The following UNC5D variants were observed in gnomAD, a reference collection of about 807,000 sequenced individuals.
UNC5D encodes the protein unc-5 netrin receptor D.
In UNC5D, 39 loss-of-function variants were observed where a neutral mutation model predicts 105.4. That is an observed-to-expected ratio of 0.37 (90% CI 0.29 to 0.48). UNC5D has a LOEUF of 0.48. Among genes scored for constraint, UNC5D ranks in the 20% least tolerant of loss-of-function variants. The pLI is 0.98. For synonymous variants in UNC5D, 452 were observed against 450.4 expected, an observed-to-expected ratio of 1.00 and a Z score of -0.04; for missense variants, 991 against 1,202.4, an observed-to-expected ratio of 0.82 and a Z score of 2.60.
In UNC5D at chr8:35,460,567, C is replaced by A. The variant is rs557229088; in HGVS notation, c.104-88725C>A. Among the ~76,000 whole-genome samples the A allele has an allele frequency of 6.6e-5, 10 of 152,302 alleles. No individual in the cohort carries two copies. The East Asian group carries it at 1.2e-3, about 18-fold the overall frequency. On this transcript the variant is annotated intron_variant, in intron 1 of 16. Transcript: ENST00000404895. ...GAAATGCAATAGCTACAGTGCTAAA[C>A]CACAATGCCAATTAATTTTTATTCA...
chr8:35,502,608 G>C (rs1272411149), intron 1 of UNC5D, among the ~76,000 whole-genome samples: 3 of 152,104 alleles, frequency 2.0e-5, no homozygotes, highest in African/African-American at 7.2e-5. Context: ...GCCCAGGCTA[G>C]AGTGCAGTGG....
chr8:35,301,110 T>C (rs1344909631), intron 1 of UNC5D, among the ~76,000 whole-genome samples: 1 of 152,112 alleles, frequency 6.6e-6, no homozygotes, highest in African/African-American at 2.4e-5. Flanking sequence ...AAAGAAATTA[T>C]CTCCTTCAAG....
intron 3 of UNC5D, among the ~76,000 whole-genome samples, chr8:35,572,895 C>A (rs1422456517): frequency 1.3e-5 from 2 of 151,714 alleles, no homozygotes; most frequent in Non-Finnish European, 2.9e-5. Context: ...GCTCCGCCTC[C>A]AGGGTTCACG....
intron 4 of UNC5D, among the ~76,000 whole-genome samples, chr8:35,682,224 A>G (rs1159520698): frequency 3.3e-5 from 5 of 152,168 alleles, no homozygotes; most frequent in Non-Finnish European, 7.4e-5. Context: ...CGGCCTCTCA[A>G]CGTGCTGGGA....
intron 4 of UNC5D, among the ~76,000 whole-genome samples, chr8:35,638,407 A>G (rs977071324): frequency 2.2e-4 from 33 of 152,258 alleles, no homozygotes; most frequent in African/African-American, 7.7e-4. Flanking sequence ...AAAGACAACT[A>G]GAAGAGGGGA....
chr8:35,599,503 AT>A (rs1242556876), intron 4 of UNC5D, among the ~76,000 whole-genome samples: 2 of 152,230 alleles, frequency 1.3e-5, no homozygotes, highest in Admixed American at 1.3e-4. Flanking sequence ...AGCTTAAAAA[AT>A]AAATTTAAAA....
chr8:35,419,956 C>T (rs1396612135), intron 1 of UNC5D, among the ~76,000 whole-genome samples: 1 of 152,038 alleles, frequency 6.6e-6, no homozygotes, highest in Non-Finnish European at 1.5e-5. Context: ...AGCAGATAGC[C>T]CCAGATGTGG....
At chr8:35,769,436 C>T (rs1801912768) in intron 15 of UNC5D, among the ~76,000 whole-genome samples, 1 of 152,180 alleles carries the variant, frequency 6.6e-6, no homozygotes, top group South Asian at 2.1e-4. Context: ...GAAATTTTGT[C>T]TTCCAGTACC....
At chr8:35,600,449 T>C (rs1819787890) in intron 4 of UNC5D, among the ~76,000 whole-genome samples, 1 of 152,190 alleles carries the variant, frequency 6.6e-6, no homozygotes, top group African/African-American at 2.4e-5. Flanking sequence ...TTTCTCCACA[T>C]CCTCTCCAGC....
Position 35,512,567 on chromosome 8 carries a change from A to C in UNC5D, c.104-36725A>C, listed in dbSNP as rs930057370. On this transcript the variant is annotated intron_variant, in intron 1 of 16. Transcript: ENST00000404895. Reference sequence around the variant, plus strand: ...TATATATATATATATATATATATATATATCTGAATAGATTACTAAATGGAG... The same window carrying C: ...TATATATATATATATATATATATATCTATCTGAATAGATTACTAAATGGAG... Among the ~76,000 whole-genome samples the C allele has an allele frequency of 1.8e-3, 167 of 93,168 alleles. 10 individuals are homozygous for C. The highest frequency in any genetic ancestry group is 5.2e-3 in the Middle Eastern group (1 of 192). 61.1% of individuals were successfully genotyped at this position (93,168 alleles called of 152,430 possible). A position where few individuals can be genotyped will look rare whatever the true frequency, so the allele number is the denominator to read the frequency against.
At chr8:35,562,238 A>G (rs1817017803) in intron 2 of UNC5D, among the ~76,000 whole-genome samples, 1 of 152,190 alleles carries the variant, frequency 6.6e-6, no homozygotes. Flanking sequence ...TTCATGATAT[A>G]TACCGCATTT....
chr8:35,671,485 G>A (rs1449740627), intron 4 of UNC5D, among the ~76,000 whole-genome samples: 1 of 152,156 alleles, frequency 6.6e-6, no homozygotes, highest in Non-Finnish European at 1.5e-5. Flanking sequence ...TCTGCATAAA[G>A]AACTTTTGTT....
chr8:35,367,261 G>C (rs1213373557), intron 1 of UNC5D, among the ~76,000 whole-genome samples: 1 of 152,164 alleles, frequency 6.6e-6, no homozygotes, highest in East Asian at 1.9e-4. Flanking sequence ...TATTGAAAGA[G>C]TGATATGTAA....
intron 4 of UNC5D, among the ~76,000 whole-genome samples, chr8:35,669,774 T>C (rs1824658455): frequency 6.6e-6 from 1 of 152,094 alleles, no homozygotes. Context: ...AATATTTTAA[T>C]GTCAAACAGG....
At chr8:35,700,431 A>G (rs1206564716) in intron 7 of UNC5D, among the ~76,000 whole-genome samples, 1 of 152,192 alleles carries the variant, frequency 6.6e-6, no homozygotes, top group Admixed American at 6.5e-5. Context: ...AAATATATCA[A>G]ATGAACATTT....
intron 1 of UNC5D, among the ~76,000 whole-genome samples, chr8:35,313,439 G>T (rs1809048213): frequency 6.6e-6 from 1 of 152,128 alleles, no homozygotes; most frequent in African/African-American, 2.4e-5. Context: ...CCAGGTGAGA[G>T]AAAATGACTA....
chr8:35,450,978 A>T (rs1391324122), intron 1 of UNC5D, among the ~76,000 whole-genome samples: 1 of 151,606 alleles, frequency 6.6e-6, no homozygotes, highest in Non-Finnish European at 1.5e-5. Flanking sequence ...GATATTTTTG[A>T]TTTAGGATGA....
chr8:35,704,863 T>C (rs1301708051), intron 7 of UNC5D, among the ~76,000 whole-genome samples: 1 of 151,614 alleles, frequency 6.6e-6, no homozygotes, highest in Non-Finnish European at 1.5e-5. Context: ...ATTATTTTAA[T>C]GATGGGAGAT....
chr8:35,368,681 C>T (rs1304641219), intron 1 of UNC5D, among the ~76,000 whole-genome samples: 1 of 151,794 alleles, frequency 6.6e-6, no homozygotes, highest in Non-Finnish European at 1.5e-5. Context: ...TTCGTATGTT[C>T]CAGCCCTAAC....
Sources: gnomAD v4.1 joint callset for allele counts (sites outside exome capture counted in the v4.1 genomes callset) on GRCh38, gnomAD v4.1.1 for gene constraint, MANE v1.5 for transcripts, NCBI Gene and HGNC (gene_info 2026-07-23, HGNC 2026-07-21) for gene names.